The following DLG5 variants were observed in gnomAD, a reference collection of about 807,000 sequenced individuals.
DLG5 encodes the protein disks large homolog 5.
Under a neutral mutation model 189.8 loss-of-function variants are expected in DLG5, and 48 were observed. The ratio of observed to expected loss-of-function variants is 0.25; its 90% CI spans 0.20 to 0.32. The LOEUF (loss-of-function observed/expected upper bound fraction) is 0.32, where lower values mean the gene tolerates loss of function less well. Ranked by LOEUF, DLG5 falls within the 10% of genes least tolerant of loss-of-function variation. The pLI is 1.00. For missense variants in DLG5, 2,160 were observed against 2,544.7 expected, an observed-to-expected ratio of 0.85 and a Z score of 3.25; for synonymous variants, 1,016 against 1,054.1, an observed-to-expected ratio of 0.96 and a Z score of 0.70.
chr10:77,891,602 ACACAC>A (rs1262946124), intron 1 of DLG5, among the ~76,000 whole-genome samples: 1 of 151,738 alleles, frequency 6.6e-6, no homozygotes, highest in East Asian at 1.9e-4. Flanking sequence ...ACACACACAC[ACACAC>A]ACACACACGA....
intron 11 of DLG5, 118 bp downstream of exon 11, chr10:77,830,099 T>C: frequency 7.7e-7 from 1 of 1,299,178 alleles, no homozygotes; most frequent in Non-Finnish European, 1.1e-6. Context: ...TTGGACAGAC[T>C]GTGTGTGAGT....
At chr10:77,862,211 G>A (rs367913534) in intron 2 of DLG5, among the ~76,000 whole-genome samples, 3 of 152,150 alleles carry the variant, frequency 2.0e-5, no homozygotes, top group South Asian at 4.2e-4. Context: ...CTACAGCAAA[G>A]GAGCTCACTA....
In DLG5 at chr10:77,821,936, C is replaced by T; in HGVS notation, c.2548G>A (p.Asp850Asn). ...NSTQTDIFYT[D>N]RLEDRKEPGP... ...GGCTCCTTCCTGTCTTCCAGCCTGT[C>T]CGTGTAGAAGATGTCTGTCTGCGTG... The change falls in exon 15 of 32, where the codon GAC (aspartate) becomes AAC (asparagine). Residue 850 changes from aspartate (D) to asparagine (N), a missense_variant. By Grantham distance (23) the Asp-to-Asn change is conservative (BLOSUM62 1). Coordinates refer to ENST00000372391, the MANE Select transcript of DLG5 (RefSeq NM_004747.4). 6.2e-7 allele frequency: 1 copy of T among 1,614,252 alleles called. No individual in the cohort carries two copies. The highest frequency in any genetic ancestry group is 8.5e-7 in the Non-Finnish European group (1 of 1,180,052).
chr10:77,806,626 A>G, intron 26 of DLG5, 132 bp downstream of exon 26: 1 of 1,261,596 alleles, frequency 7.9e-7, no homozygotes. Flanking sequence ...TGTAGAGAGC[A>G]GAAGCTAAGA....
intron 2 of DLG5, among the ~76,000 whole-genome samples, chr10:77,865,939 T>A (rs1326138455): frequency 2.0e-5 from 3 of 152,232 alleles, no homozygotes; most frequent in Admixed American, 2.0e-4. Context: ...TTTCTTCTCA[T>A]GCTGAATACA....
chr10:77,809,455 G>T, intron 24 of DLG5, 92 bp downstream of exon 24: 1 of 1,383,430 alleles, frequency 7.2e-7, no homozygotes, highest in Non-Finnish European at 9.9e-7. Flanking sequence ...ATGAGAGGCT[G>T]TACTCCTCCG....
chr10:77,870,731 C>A (rs1261992), intron 1 of DLG5, among the ~76,000 whole-genome samples: 38,623 of 151,550 alleles, frequency 0.25, 5,493 homozygotes, highest in Admixed American at 0.39. Context: ...TCTTGACTAG[C>A]CACCCTACAC....
In DLG5 at chr10:77,821,970, G is replaced by A. The variant is rs1220376206; in HGVS notation, c.2514C>T (p.His838=). The A allele has an allele frequency of 7.4e-6, 12 of 1,614,144 alleles. No homozygotes were observed. In the East Asian group the frequency reaches 8.9e-5, roughly 12 times the overall value. The stretch of plus-strand genomic sequence containing the variant: ...AGATGTCTGTCTGCGTGGAGTTATT[G>A]TGCTGTATCAAGTTCCGTTTGTTAT... ...QAHNKRNLIQ[H]NNSTQTDIFY... The change falls in exon 15 of 32, where the codon CAC becomes CAT. Residue 838 remains histidine (H), a synonymous_variant. Coordinates refer to ENST00000372391, the MANE Select transcript of DLG5 (RefSeq NM_004747.4).
At chr10:77,829,705 A>C (rs1842811192) in intron 11 of DLG5, among the ~76,000 whole-genome samples, 175 bp from the exon 12 acceptor site, 1 of 152,216 alleles carries the variant, frequency 6.6e-6, no homozygotes, top group South Asian at 2.1e-4. Context: ...CTGAGGTTAG[A>C]CAGCCTGGGT....
chr10:77,850,214 A>C (rs2154576576), intron 5 of DLG5, among the ~76,000 whole-genome samples: 1 of 152,162 alleles, frequency 6.6e-6, no homozygotes, highest in East Asian at 1.9e-4. Flanking sequence ...CACTTCCCAA[A>C]CCCCAAGCCC....
chr10:77,818,085 G>C (rs1160466059), intron 17 of DLG5, among the ~76,000 whole-genome samples, 196 bp from the exon 18 acceptor site: 1 of 152,170 alleles, frequency 6.6e-6, no homozygotes. Flanking sequence ...CCTTCAGGAA[G>C]TAGAAAGGGC....
chr10:77,832,745 G>C (rs138581274), intron 9 of DLG5, among the ~76,000 whole-genome samples: 2 of 152,284 alleles, frequency 1.3e-5, no homozygotes, highest in South Asian at 4.1e-4. Flanking sequence ...GCCCAAACAA[G>C]AGGCAAAATG....
chr10:77,805,263 C>T (rs144386703), intron 27 of DLG5, among the ~76,000 whole-genome samples: 3 of 152,342 alleles, frequency 2.0e-5, no homozygotes, highest in Non-Finnish European at 4.4e-5. Context: ...AGCCACTGTG[C>T]CTGGCCAAAA....
rs1842208439 is a variant in DLG5 at position 77,819,196 on chromosome 10, C to T, written c.3671+125G>A. ...GCTCCCTTTCCCTGTGCTGCTCTAG[C>T]CAGTCCCCTCCCAGGCAGGCAAGGA... is the stretch of plus-strand genomic sequence containing the variant. On this transcript the variant is annotated intron_variant, in intron 17 of 31. Coordinates refer to ENST00000372391, the MANE Select transcript of DLG5 (RefSeq NM_004747.4). The T allele has an allele frequency of 9.2e-6, 13 of 1,407,132 alleles. No homozygotes were observed. In the South Asian group the frequency reaches 1.6e-4, roughly 17 times the overall value. 87.2% of individuals were successfully genotyped at this position (1,407,132 alleles called of 1,614,324 possible).
intron 1 of DLG5, among the ~76,000 whole-genome samples, chr10:77,898,812 G>A (rs1343487816): frequency 6.6e-6 from 1 of 152,180 alleles, no homozygotes; most frequent in Non-Finnish European, 1.5e-5. Flanking sequence ...GCTGTGCAAG[G>A]TCACCAAATG....
intron 1 of DLG5, among the ~76,000 whole-genome samples, chr10:77,913,922 A>G (rs1390767113): frequency 1.3e-5 from 2 of 152,114 alleles, no homozygotes; most frequent in African/African-American, 4.8e-5. Flanking sequence ...TAAAAGGAAG[A>G]AAGACAGGGA....
At chr10:77,802,405 C>T (rs1367606710) in intron 27 of DLG5, among the ~76,000 whole-genome samples, 1 of 152,310 alleles carries the variant, frequency 6.6e-6, no homozygotes, top group East Asian at 1.9e-4. Context: ...CAGGATGTGT[C>T]ACCAAAAAAC....
chr10:77,820,616 GT>G, intron 15 of DLG5: 1 of 183,020 alleles, frequency 5.5e-6, no homozygotes, highest in Non-Finnish European at 1.1e-5. Flanking sequence ...GTGGAGGGCT[GT>G]GCGAAGCTCT....
intron 1 of DLG5, among the ~76,000 whole-genome samples, chr10:77,903,800 A>C (rs951473465): frequency 2.6e-5 from 4 of 152,192 alleles, no homozygotes; most frequent in Admixed American, 1.3e-4. Context: ...TTCTGGTCCT[A>C]AGTATTTTGG....
Sources: allele counts gnomAD v4.1 joint callset (sites outside exome capture counted in the v4.1 genomes callset), GRCh38; gene constraint gnomAD v4.1.1; transcripts MANE v1.5; gene names NCBI Gene and HGNC (gene_info 2026-07-23, HGNC 2026-07-21).